The following FAT1 variants were observed in gnomAD, a reference collection of about 807,000 sequenced individuals.
FAT1 encodes the protein FAT atypical cadherin 1.
Under a neutral mutation model 329.8 loss-of-function variants are expected in FAT1, and 171 were observed. The ratio of observed to expected loss-of-function variants is 0.52; its 90% CI spans 0.46 to 0.59. The LOEUF is 0.59. Among genes scored for constraint, FAT1 ranks in the 20% least tolerant of loss-of-function variants. The pLI is 0.00. For synonymous variants in FAT1, 2,233 were observed against 2,228.6 expected (o/e 1.00, Z -0.06); for missense variants, 5,672 against 5,774.4 (o/e 0.98, Z 0.57).
Position 186,663,368 on chromosome 4 carries a change from T to C in FAT1, c.3511A>G (p.Asn1171Asp). ...GTAATTTTGTACATGAGCTTGTCAT[T>C]AGAGCTCGAATCTGGATCAAATGCC... ...IEAFDPDSSS[N>D]DKLMYKITSG... is the part of the protein sequence containing the mutation. The change falls in exon 3 of 27, where the codon AAT becomes GAT. Residue 1171 changes from asparagine to aspartate, a missense_variant. This residue lies in a region of FAT1 where 3,966 missense variants were observed against 3,915.2 expected (regional missense o/e 1.01). Coordinates refer to ENST00000441802, the MANE Select transcript of FAT1 (RefSeq NM_005245.4). 2 of 1,614,010 alleles carry C rather than the reference T, an allele frequency of 1.2e-6. No homozygotes were observed. Among genetic ancestry groups the C allele is most frequent in the South Asian group, 2.2e-5 (2 of 91,076 alleles).
chr4:186,618,127 T>G lies in FAT1; in HGVS notation c.8459A>C (p.Glu2820Ala), dbSNP rs1426361019. 2 of 1,614,034 alleles carry G rather than the reference T, an allele frequency of 1.2e-6. No homozygotes were observed. Among genetic ancestry groups the G allele is most frequent in the South Asian group, 2.2e-5 (2 of 91,080 alleles). The part of the protein sequence containing the change: ...ESSPYEAFIV[E>A]NLPGGSRVIQ... The stretch of plus-strand genomic sequence containing the variant: ...TACTCTACTTCCCCCTGGCAGGTTT[T>G]CAACAATGAATGCCTCATATGGACT... Residue 2820 changes from glutamate to alanine, a missense_variant, in exon 10 of 27, where the codon GAA becomes GCA. Glu to Ala is a moderately radical substitution (Grantham distance 107). This residue lies in a region of FAT1 where 3,966 missense variants were observed against 3,915.2 expected (regional missense o/e 1.01). Transcript: ENST00000441802.
chr4:186,612,227 G>A (rs935926029), intron 13 of FAT1, among the ~76,000 whole-genome samples: 1 of 68,094 alleles, frequency 1.5e-5, no homozygotes, highest in African/African-American at 6.3e-5. Context: ...AACTTACTCT[G>A]TTAAAACAAA....
chr4:186,659,301 TG>T (rs780358253), intron 3 of FAT1, among the ~76,000 whole-genome samples: 14 of 152,196 alleles, frequency 9.2e-5, no homozygotes, highest in Non-Finnish European at 1.9e-4. Context: ...AATGCATCCC[TG>T]GCATTCAGCC....
chr4:186,700,711 T>G (rs1035007549), intron 2 of FAT1, among the ~76,000 whole-genome samples: 2 of 152,172 alleles, frequency 1.3e-5, no homozygotes, highest in African/African-American at 4.8e-5. Context: ...CCAAGAAGTC[T>G]TGGGCAAGTT....
intron 1 of FAT1, among the ~76,000 whole-genome samples, chr4:186,718,924 C>T (rs1745339960): frequency 6.6e-6 from 1 of 152,148 alleles, no homozygotes; most frequent in Non-Finnish European, 1.5e-5. Context: ...CAGTGCTCAT[C>T]CTCCTTGATT....
At chr4:186,637,237 A>G (rs2637779) in intron 4 of FAT1, among the ~76,000 whole-genome samples, 96,435 of 152,052 alleles carry the variant, frequency 0.63, 31,457 homozygotes, top group African/African-American at 0.8. Context: ...TTAAGCTACC[A>G]AAAACTTAAT....
In FAT1 at chr4:186,611,767, G is replaced by C. The variant is rs1579317370; in HGVS notation, c.9472C>G (p.Arg3158Gly). 1.3e-6 allele frequency: 2 copies of C among 1,563,004 alleles called. No homozygotes were observed. Among genetic ancestry groups the C allele is most frequent in the Non-Finnish European group, 1.7e-6 (2 of 1,153,946 alleles). The change falls in exon 14 of 27, where the codon CGG becomes GGG. Residue 3158 changes from arginine (R) to glycine (G), a missense_variant. Transcript: ENST00000441802. ...TCAATCAGTGAGTATAAAATCTTCC[G>C]ATTTAATCCTATGAAGACATAAAAA... is the stretch of plus-strand genomic sequence containing the variant. ...QATDADAGLN[R>G]KILYSLIDSA...
At chr4:186,633,654 T>G (rs1020417115) in intron 7 of FAT1, 30 bp downstream of exon 7, 1 of 1,613,432 alleles carries the variant, frequency 6.2e-7, no homozygotes, top group Non-Finnish European at 8.5e-7. Flanking sequence ...CATCCTCCTC[T>G]GACAAGTGTG....
In FAT1 at chr4:186,603,050, G is replaced by C; in HGVS notation, c.11351-16C>G. On this transcript the variant is annotated splice_polypyrimidine_tract_variant and intron_variant, in intron 19 of 26. Coordinates refer to ENST00000441802, the MANE Select transcript of FAT1 (RefSeq NM_005245.4). ...CACCTTCCCTCTTCATTCAAAGAGG[G>C]GAGAAAGGGAAAAGATAATTAACAG... The C allele has an allele frequency of 6.2e-7, 1 of 1,613,756 alleles. No homozygotes were observed. The highest frequency in any genetic ancestry group is 2.2e-5 in the East Asian group (1 of 44,846).
At chr4:186,606,657 T>C (rs750609279) in intron 16 of FAT1, among the ~76,000 whole-genome samples, 16 of 152,164 alleles carry the variant, frequency 1.1e-4, no homozygotes, top group African/African-American at 3.9e-4. Context: ...CGCTGACTCA[T>C]TTCCAATGCC....
intron 2 of FAT1, among the ~76,000 whole-genome samples, chr4:186,703,499 C>CA (rs1744424396): frequency 6.6e-6 from 1 of 152,138 alleles, no homozygotes; most frequent in African/African-American, 2.4e-5. Flanking sequence ...TAAAATATGA[C>CA]AAAAATTTGG....
In FAT1 at chr4:186,639,128, A is replaced by G. The variant is rs181450639; in HGVS notation, c.3642+594T>C. ...GACTAAAAGGCATTGTAAATTATCCATGAGAATGAGAAGCCTTATTAGAAC... is the reference window on the plus strand; with the variant it reads ...GACTAAAAGGCATTGTAAATTATCCGTGAGAATGAGAAGCCTTATTAGAAC... On this transcript the variant is annotated intron_variant, in intron 4 of 26. Coordinates refer to ENST00000441802, the MANE Select transcript of FAT1 (RefSeq NM_005245.4). 2.3e-4 allele frequency among the ~76,000 whole-genome samples: 35 copies of G among 152,370 alleles called. No individual in the cohort carries two copies. In the East Asian group the frequency reaches 6.2e-3, roughly 27 times the overall value.
intron 1 of FAT1, among the ~76,000 whole-genome samples, chr4:186,713,122 C>T (rs1056922431): frequency 6.6e-6 from 1 of 151,524 alleles, no homozygotes; most frequent in African/African-American, 2.4e-5. Context: ...GACACATCAT[C>T]AACTACAGTC....
chr4:186,619,801 C>A lies in FAT1; in HGVS notation c.6785G>T (p.Gly2262Val), dbSNP rs766109310. Residue 2262 changes from glycine (G) to valine (V), a missense_variant, in exon 10 of 27, where the codon GGC becomes GTC. Physicochemically the swap from Gly to Val is moderately radical, Grantham distance 109. Transcript: ENST00000441802. ...LSIRATDSLT[G>V]AHAEVFVDII... is the part of the protein sequence containing the mutation. ...GTCCACAAATACTTCAGCATGAGCG[C>A]CCGTCAAGGAGTCAGTTGCGCGTAT... The A allele has an allele frequency of 6.2e-6, 10 of 1,613,864 alleles. No homozygotes were observed. The highest frequency in any genetic ancestry group is 1.1e-5 in the South Asian group (1 of 91,090).
At chr4:186,669,699 G>A (rs1742643436) in intron 2 of FAT1, among the ~76,000 whole-genome samples, 1 of 152,160 alleles carries the variant, frequency 6.6e-6, no homozygotes, top group African/African-American at 2.4e-5. Context: ...GGGGAAAAAT[G>A]TAATTTCTAA....
intron 1 of FAT1, among the ~76,000 whole-genome samples, chr4:186,721,490 C>T (rs555904725): frequency 6.6e-6 from 1 of 152,326 alleles, no homozygotes; most frequent in Admixed American, 6.5e-5. Flanking sequence ...GTCAAAAGAA[C>T]AATTATCTAG....
intron 3 of FAT1, among the ~76,000 whole-genome samples, chr4:186,662,244 T>C (rs533709668): frequency 6.6e-6 from 1 of 152,302 alleles, no homozygotes; most frequent in East Asian, 1.9e-4. Flanking sequence ...ACAATTCTTA[T>C]ATACCTCTGA....
rs1232769040 is a variant in FAT1 at position 186,709,251 on chromosome 4, C to T, written c.577G>A (p.Asp193Asn). Residue 193 changes from aspartate to asparagine, a missense_variant, in exon 2 of 27, where the codon GAT becomes AAT. Around this residue, in one of 2 missense-constraint regions of FAT1, gnomAD observed 3,966 missense variants for 3,915.2 expected, o/e 1.01. Coordinates refer to ENST00000441802, the MANE Select transcript of FAT1 (RefSeq NM_005245.4). ...EFYYSFKDRTDMFAIHPTSGV... is the reference protein window; with the variant it reads ...EFYYSFKDRTNMFAIHPTSGV... Reference sequence around the variant, plus strand: ...CTGGTTGGGTGAATAGCAAACATATCTGTTCGATCTTTAAAACTGTAGTAA... The same window carrying T: ...CTGGTTGGGTGAATAGCAAACATATTTGTTCGATCTTTAAAACTGTAGTAA... 3 of 1,613,890 alleles carry T rather than the reference C, an allele frequency of 1.9e-6. No homozygotes were observed. Among genetic ancestry groups the T allele is most frequent in the African/African-American group, 1.3e-5 (1 of 74,916 alleles).
intron 9 of FAT1, among the ~76,000 whole-genome samples, chr4:186,624,147 G>A (rs982255584): frequency 3.4e-5 from 5 of 148,476 alleles, no homozygotes; most frequent in African/African-American, 4.9e-5. Context: ...GACTTCCTAA[G>A]GTGGCAGAAA....
Sources: gnomAD v4.1 joint callset for allele counts (sites outside exome capture counted in the v4.1 genomes callset) on GRCh38, gnomAD v4.1.1 for gene constraint, gnomAD v4.1.1 regional missense constraint, MANE v1.5 for transcripts, NCBI Gene and HGNC (gene_info 2026-07-23, HGNC 2026-07-21) for gene names.